The following NAALADL2 variants were observed in gnomAD, a reference collection of about 807,000 sequenced individuals.
NAALADL2 encodes the protein N-acetylated alpha-linked acidic dipeptidase like 2, also known as inactive N-acetylated-alpha-linked acidic dipeptidase-like protein 2.
NAALADL2 carries 76 observed loss-of-function variants against 87.2 expected under a neutral mutation model. The observed-to-expected ratio is 0.87, with a 90% CI of 0.72 to 1.05. The LOEUF is 1.05. Among genes scored for constraint, NAALADL2 ranks in the 50% least tolerant of loss-of-function variants. The pLI, the probability that NAALADL2 is intolerant of heterozygous loss-of-function variation, is 0.00. For missense variants in NAALADL2, 1,089 were observed against 945.8 expected, an observed-to-expected ratio of 1.15 and a Z score of -1.99; for synonymous variants, 354 against 331.0, an observed-to-expected ratio of 1.07 and a Z score of -0.75.
At chr3:175,576,550 C>G (rs906650534) in intron 10 of NAALADL2, among the ~76,000 whole-genome samples, 6 of 151,930 alleles carry the variant, frequency 3.9e-5, no homozygotes, top group Non-Finnish European at 7.4e-5. Context: ...AAGGAAAATG[C>G]ACTTCATGGT....
At chr3:174,644,738 G>A (rs1379625042) in intron 2 of NAALADL2, among the ~76,000 whole-genome samples, 1 of 152,146 alleles carries the variant, frequency 6.6e-6, no homozygotes, top group Non-Finnish European at 1.5e-5. Context: ...AAAAGATGAT[G>A]AGTATTATCT....
chr3:175,463,705 A>AGAGAGAGAGAGAGG (rs1723523761), intron 7 of NAALADL2, among the ~76,000 whole-genome samples: 1 of 141,480 alleles, frequency 7.1e-6, no homozygotes, highest in African/African-American at 2.7e-5. Flanking sequence ...GTCGGGGGAG[A>AGAGAGAGAGAGAGG]GAGAGAGAGA....
intron 3 of NAALADL2, among the ~76,000 whole-genome samples, chr3:174,798,218 T>C (rs549104111): frequency 2.0e-4 from 31 of 152,348 alleles, no homozygotes; most frequent in African/African-American, 7.0e-4. Flanking sequence ...ATATCTATCT[T>C]CATGCCAGTA....
chr3:175,800,397 A>G (rs1381623434), intron 13 of NAALADL2, among the ~76,000 whole-genome samples: 1 of 132,546 alleles, frequency 7.5e-6, no homozygotes, highest in Non-Finnish European at 1.6e-5. Flanking sequence ...TTTTGAGAGT[A>G]TCTTTCTTGC....
At chr3:174,726,583 A>G (rs775036956) in intron 2 of NAALADL2, among the ~76,000 whole-genome samples, 5 of 152,154 alleles carry the variant, frequency 3.3e-5, no homozygotes, top group Admixed American at 2.0e-4. Context: ...AGCCCTGTTC[A>G]TAGTACTTGG....
At chr3:175,565,266 C>T (rs1027322241) in intron 9 of NAALADL2, among the ~76,000 whole-genome samples, 1 of 152,140 alleles carries the variant, frequency 6.6e-6, no homozygotes, top group Non-Finnish European at 1.5e-5. Flanking sequence ...AAAAAGAACT[C>T]ATCTCATAGA....
In NAALADL2 at chr3:174,500,859, A is replaced by ATT. The variant is rs71300442; in HGVS notation, c.-183-49696_-183-49695dup. Among the ~76,000 whole-genome samples the ATT allele has an allele frequency of 1.9e-3, 279 of 143,518 alleles. 2 individuals are homozygous for ATT. The highest frequency in any genetic ancestry group is 4.6e-3 in the South Asian group (21 of 4,550). The allele number at this position is 143,518 out of a possible 152,430, so 94.2% of individuals were successfully genotyped here. On this transcript the variant is annotated intron_variant, in intron 1 of 3. Coordinates refer to the NAALADL2 transcript ENST00000434257. Reference sequence around the variant, plus strand: ...TTATATTTTTGGATTCCATTGGATAATTTTTTTTTTTTTTTGATATGGAGT... The same window carrying ATT: ...TTATATTTTTGGATTCCATTGGATAATTTTTTTTTTTTTTTTTGATATGGAGT...
At chr3:175,417,466 C>T (rs1341282133) in intron 5 of NAALADL2, among the ~76,000 whole-genome samples, 2 of 151,890 alleles carry the variant, frequency 1.3e-5, no homozygotes, top group African/African-American at 2.4e-5. Context: ...TTTTTTAAAA[C>T]TATTTTTGTT....
Position 174,646,950 on chromosome 3 carries a change from C to A in NAALADL2, c.-114-90691C>A, listed in dbSNP as rs757068244. ...TTCTCTGCTTGCATTTCAGTATTCA[C>A]CAGTTTTTAATGGTACATCTAACTC... On this transcript the variant is annotated intron_variant, in intron 2 of 3. Transcript: ENST00000434257. Among the ~76,000 whole-genome samples, 12 of 152,196 alleles carry A rather than the reference C, an allele frequency of 7.9e-5. No homozygotes were observed. The South Asian group carries it at 2.3e-3, about 29-fold the overall frequency.
At chr3:175,518,689 A>G (rs1426756921) in intron 9 of NAALADL2, among the ~76,000 whole-genome samples, 1 of 152,098 alleles carries the variant, frequency 6.6e-6, no homozygotes, top group Non-Finnish European at 1.5e-5. Context: ...CTTTTTATAA[A>G]GCCACCAGTT....
At chr3:175,638,217 G>C (rs1582726695) in intron 11 of NAALADL2, among the ~76,000 whole-genome samples, 1 of 152,164 alleles carries the variant, frequency 6.6e-6, no homozygotes, top group East Asian at 1.9e-4. Flanking sequence ...ATGCCGTAGA[G>C]ATATTTATTC....
At chr3:174,493,915 A>C (rs1192962293) in intron 1 of NAALADL2, among the ~76,000 whole-genome samples, 1 of 152,244 alleles carries the variant, frequency 6.6e-6, no homozygotes, top group African/African-American at 2.4e-5. Flanking sequence ...AAGTGCTGTG[A>C]TAGAGATACG....
intron 2 of NAALADL2, among the ~76,000 whole-genome samples, chr3:175,200,188 C>G (rs2109140764): frequency 6.6e-6 from 1 of 151,968 alleles, no homozygotes; most frequent in East Asian, 2.0e-4. Context: ...TTACATGACT[C>G]AGTGGGCTAT....
At position 175,311,769 on chromosome 3, in the gene NAALADL2, A is replaced by G. The variant is rs74793752; in HGVS notation, c.940-12406A>G. On this transcript the variant is annotated intron_variant, in intron 4 of 13. Coordinates refer to ENST00000454872, the MANE Select transcript of NAALADL2 (RefSeq NM_207015.3). Reference sequence around the variant, plus strand: ...TTCTTCCTTCCTGAATTATGATAAAAGCTGAAGATTATATTCAGAACTCTG... The same window carrying G: ...TTCTTCCTTCCTGAATTATGATAAAGGCTGAAGATTATATTCAGAACTCTG... Among the ~76,000 whole-genome samples the G allele has an allele frequency of 7.4e-3, 1,126 of 151,546 alleles. 14 individuals are homozygous for G. The highest frequency in any genetic ancestry group is 0.026 in the African/African-American group (1,082 of 41,288).
At chr3:175,592,120 C>T (rs998269100) in intron 10 of NAALADL2, among the ~76,000 whole-genome samples, 1 of 151,984 alleles carries the variant, frequency 6.6e-6, no homozygotes, top group Non-Finnish European at 1.5e-5. Context: ...CGTTGATTGG[C>T]TACCCATAGA....
chr3:175,440,062 A>G (rs1719471407), intron 5 of NAALADL2, among the ~76,000 whole-genome samples: 1 of 152,136 alleles, frequency 6.6e-6, no homozygotes, highest in Non-Finnish European at 1.5e-5. Context: ...TGATTTTTGT[A>G]TAAGATGAGA....
chr3:175,286,629 TTTGA>T (rs1294870662), intron 4 of NAALADL2, among the ~76,000 whole-genome samples: 1 of 152,200 alleles, frequency 6.6e-6, no homozygotes, highest in Non-Finnish European at 1.5e-5. Flanking sequence ...TATTCTCTTG[TTTGA>T]TTGTTTCTGT....
chr3:175,466,311 A>C (rs575338806), intron 7 of NAALADL2, among the ~76,000 whole-genome samples: 39 of 152,238 alleles, frequency 2.6e-4, no homozygotes, highest in Non-Finnish European at 4.4e-4. Context: ...CTTATTATTG[A>C]AAATATTCAG....
At chr3:175,057,309 T>C (rs1437365647) in intron 1 of NAALADL2, among the ~76,000 whole-genome samples, 1 of 152,166 alleles carries the variant, frequency 6.6e-6, no homozygotes, top group Non-Finnish European at 1.5e-5. Flanking sequence ...ACCATTCAGT[T>C]TACCCAGACA....
Sources: gnomAD v4.1 joint callset for allele counts (sites outside exome capture counted in the v4.1 genomes callset) on GRCh38, gnomAD v4.1.1 for gene constraint, MANE v1.5 for transcripts, NCBI Gene and HGNC (gene_info 2026-07-23, HGNC 2026-07-21) for gene names.